The following RCHY1 variants were observed in gnomAD, a reference collection of about 807,000 sequenced individuals.
The protein encoded by RCHY1 is RING finger and CHY zinc finger domain-containing protein 1.
In RCHY1, 21 loss-of-function variants were observed where a neutral mutation model predicts 41.6. The observed-to-expected ratio is 0.51, with a 90% CI of 0.36 to 0.73. RCHY1 has a LOEUF of 0.73. Ranked by LOEUF, RCHY1 falls within the 30% of genes least tolerant of loss-of-function variation. RCHY1 has a pLI of 0.00. For synonymous variants in RCHY1, 79 were observed against 102.9 expected, an observed-to-expected ratio of 0.77 and a Z score of 1.41; for missense variants, 265 against 325.3, an observed-to-expected ratio of 0.81 and a Z score of 1.43.
At position 75,484,098 on chromosome 4, in the gene RCHY1, A is replaced by G. The variant is rs138002199; in HGVS notation, c.658-1432T>C. Among the ~76,000 whole-genome samples the G allele has an allele frequency of 3.5e-3, 533 of 152,186 alleles. 4 individuals are homozygous for G. Among genetic ancestry groups the G allele is most frequent in the African/African-American group, 0.013 (521 of 41,532 alleles). On this transcript the variant is annotated intron_variant, in intron 8 of 8. Coordinates refer to ENST00000324439, the MANE Select transcript of RCHY1 (RefSeq NM_015436.4). Reference sequence around the variant, plus strand: ...CTGATTCACAAACTGTTTCTCAATTAAGTTCTGTTAAATTTAATTTGTGTA... The same window carrying G: ...CTGATTCACAAACTGTTTCTCAATTGAGTTCTGTTAAATTTAATTTGTGTA...
chr4:75,509,646 G>A (rs1465314077), intron 1 of RCHY1: 5 of 192,212 alleles, frequency 2.6e-5, no homozygotes, highest in East Asian at 1.3e-4. Flanking sequence ...GAATTCCCAC[G>A]TGTTGTGGGA....
At chr4:75,506,490 G>A (rs1724321974) in intron 3 of RCHY1, among the ~76,000 whole-genome samples, 1 of 151,964 alleles carries the variant, frequency 6.6e-6, no homozygotes, top group Non-Finnish European at 1.5e-5. Context: ...TAACAAGAAT[G>A]AAGATAAAAT....
chr4:75,514,645 C>T (rs1042938504), upstream of RCHY1: 16 of 200,996 alleles, frequency 8.0e-5, no homozygotes, highest in East Asian at 1.8e-3. Context: ...AAAGGACGCT[C>T]ACTGGGCGCA....
intron 8 of RCHY1, among the ~76,000 whole-genome samples, chr4:75,485,455 A>C (rs2148709485): frequency 6.6e-6 from 1 of 152,328 alleles, no homozygotes. Flanking sequence ...GTCTGTGTAC[A>C]TTAGGAACTC....
intron 1 of RCHY1, among the ~76,000 whole-genome samples, chr4:75,510,378 C>T (rs997022942): frequency 6.6e-6 from 1 of 152,178 alleles, no homozygotes; most frequent in Non-Finnish European, 1.5e-5. Flanking sequence ...TTTTTCATTA[C>T]AGCAACTTTA....
At chr4:75,492,198 G>C (rs1722814350) in intron 4 of RCHY1, among the ~76,000 whole-genome samples, 2 of 151,784 alleles carry the variant, frequency 1.3e-5, no homozygotes, top group Admixed American at 1.3e-4. Flanking sequence ...AAGTGACTTA[G>C]GAATTCAAGA....
rs150776823 is a variant in RCHY1 at position 75,502,796 on chromosome 4, T to C, written c.326+6024A>G. 9.8e-4 allele frequency among the ~76,000 whole-genome samples: 150 copies of C among 152,306 alleles called. No individual in the cohort carries two copies. In the Middle Eastern group the frequency reaches 0.024, roughly 24 times the overall value. ...CAAAGCATGGTAGAAAGACCTTTCATGTAGAAACATGAAAGAATGACATGA... is the reference window on the plus strand; with the variant it reads ...CAAAGCATGGTAGAAAGACCTTTCACGTAGAAACATGAAAGAATGACATGA... On this transcript the variant is annotated intron_variant, in intron 3 of 8. Coordinates refer to ENST00000324439, the MANE Select transcript of RCHY1 (RefSeq NM_015436.4).
intron 3 of RCHY1, among the ~76,000 whole-genome samples, chr4:75,499,492 C>G (rs759415425): frequency 2.0e-5 from 3 of 152,290 alleles, no homozygotes; most frequent in Non-Finnish European, 4.4e-5. Context: ...CAGCACTATT[C>G]AAAATAGCTG....
intron 8 of RCHY1, among the ~76,000 whole-genome samples, chr4:75,482,902 T>C (rs1043719687): frequency 6.6e-6 from 1 of 152,088 alleles, no homozygotes; most frequent in Non-Finnish European, 1.5e-5. Context: ...AAGCTTATTT[T>C]AAAATAGTTT....
intron 8 of RCHY1, among the ~76,000 whole-genome samples, chr4:75,490,367 A>C (rs532452795): frequency 6.6e-6 from 1 of 152,162 alleles, no homozygotes; most frequent in South Asian, 2.1e-4. Flanking sequence ...TGTTGGGAAA[A>C]ACTACATAAA....
chr4:75,507,080 C>CA (rs892145714), intron 3 of RCHY1, among the ~76,000 whole-genome samples: 8 of 150,998 alleles, frequency 5.3e-5, no homozygotes, highest in African/African-American at 1.5e-4. Context: ...TTTTCAGAGA[C>CA]AAAAAAAACT....
At chr4:75,507,959 G>T (rs1248200729) in intron 3 of RCHY1, among the ~76,000 whole-genome samples, 1 of 152,056 alleles carries the variant, frequency 6.6e-6, no homozygotes, top group East Asian at 1.9e-4. Flanking sequence ...TGCTATGAAT[G>T]TTGTGTTTCT....
chr4:75,486,809 T>C (rs1182925867), intron 8 of RCHY1, among the ~76,000 whole-genome samples: 2 of 152,102 alleles, frequency 1.3e-5, no homozygotes, highest in African/African-American at 2.4e-5. Context: ...TGAAACCCCG[T>C]CTCTACTAAA....
At chr4:75,488,119 A>G (rs1722412168) in intron 8 of RCHY1, among the ~76,000 whole-genome samples, 1 of 151,606 alleles carries the variant, frequency 6.6e-6, no homozygotes, top group South Asian at 2.1e-4. Context: ...ATAAGAAATG[A>G]TATTTAACCT....
intron 8 of RCHY1, among the ~76,000 whole-genome samples, chr4:75,485,825 C>T (rs941523419): frequency 3.9e-5 from 6 of 152,070 alleles, no homozygotes; most frequent in Admixed American, 3.9e-4. Flanking sequence ...TGTCTGTATT[C>T]CTATAGGTGT....
intron 3 of RCHY1, among the ~76,000 whole-genome samples, chr4:75,506,130 CAAAAAAA>C (rs547669760): frequency 2.4e-5 from 2 of 82,656 alleles, no homozygotes; most frequent in Non-Finnish European, 5.1e-5. Context: ...ACAGGACATA[CAAAAAAA>C]AAAAAAACAA....
chr4:75,499,550 A>C (rs1723542508), intron 3 of RCHY1, among the ~76,000 whole-genome samples: 2 of 152,252 alleles, frequency 1.3e-5, no homozygotes, highest in Non-Finnish European at 2.9e-5. Flanking sequence ...ATGGATAAAG[A>C]AAATATGGTA....
chr4:75,494,665 T>C (rs1273616795), intron 3 of RCHY1, among the ~76,000 whole-genome samples: 1 of 151,908 alleles, frequency 6.6e-6, no homozygotes, highest in African/African-American at 2.4e-5. Context: ...AACATCCTTG[T>C]CCAGACATCA....
chr4:75,487,498 A>AAT (rs1227580184), intron 8 of RCHY1, among the ~76,000 whole-genome samples: 2 of 112,688 alleles, frequency 1.8e-5, no homozygotes, highest in Non-Finnish European at 3.6e-5. Context: ...ATATATTCAT[A>AAT]ATATATATAT....
Sources: allele counts gnomAD v4.1 joint callset (sites outside exome capture counted in the v4.1 genomes callset), GRCh38; gene constraint gnomAD v4.1.1; transcripts MANE v1.5; gene names NCBI Gene and HGNC (gene_info 2026-07-23, HGNC 2026-07-21).